Variants in FHIT observed in about 807,000 individuals in gnomAD.
FHIT encodes fragile histidine triad diadenosine triphosphatase.
FHIT carries 19 observed loss-of-function variants against 17.9 expected under a neutral mutation model. The observed-to-expected ratio is 1.06, with a 90% confidence interval of 0.74 to 1.56. The LOEUF (loss-of-function observed/expected upper bound fraction) is 1.56, where lower values mean the gene tolerates loss of function less well. Among genes scored for constraint, FHIT ranks in the 40% most tolerant of loss-of-function variants. The pLI, the probability that FHIT is intolerant of heterozygous loss-of-function variation, is 0.00. For synonymous variants in FHIT, 81 were observed against 69.7 expected (o/e 1.16, Z -0.81); for missense variants, 248 against 189.2 (o/e 1.31, Z -1.82).
intron 5 of FHIT, among the ~76,000 whole-genome samples, chr3:60,177,921 T>C (rs1202427093): frequency 1.3e-5 from 2 of 152,334 alleles, no homozygotes; most frequent in Middle Eastern, 3.4e-3. Context: ...CCAAAGTATT[T>C]TGAGTTGCTG....
chr3:59,960,874 T>C (rs576667632), intron 7 of FHIT, among the ~76,000 whole-genome samples: 1 of 152,162 alleles, frequency 6.6e-6, no homozygotes, highest in Non-Finnish European at 1.5e-5. Context: ...GACCAATTAC[T>C]AGTTTTCAGA....
chr3:60,671,775 A>G (rs1272594225), intron 4 of FHIT, among the ~76,000 whole-genome samples: 2 of 28,812 alleles, frequency 6.9e-5, no homozygotes, highest in Non-Finnish European at 1.7e-4. Flanking sequence ...CCCCATCTCT[A>G]CTAAAAAAAA....
At chr3:60,672,304 T>C (rs1735439) in intron 4 of FHIT, among the ~76,000 whole-genome samples, 138,370 of 150,336 alleles carry the variant, frequency 0.92, 63,784 homozygotes, top group Non-Finnish European at 0.94. Flanking sequence ...AAAAGAGAGT[T>C]AGCGAAGGGA....
At chr3:60,449,937 A>T (rs2031609793) in intron 5 of FHIT, among the ~76,000 whole-genome samples, 1 of 143,338 alleles carries the variant, frequency 7.0e-6, no homozygotes, top group Admixed American at 7.3e-5. Context: ...TGGGAGGCAG[A>T]GGTTGCAATA....
At chr3:60,659,373 TTCTC>T (rs1453898310) in intron 4 of FHIT, among the ~76,000 whole-genome samples, 1 of 152,046 alleles carries the variant, frequency 6.6e-6, no homozygotes, top group African/African-American at 2.4e-5. Context: ...TCTCTATTCT[TTCTC>T]TCTCTTCTTA....
intron 5 of FHIT, among the ~76,000 whole-genome samples, chr3:60,519,228 A>G (rs2035269632): frequency 6.6e-6 from 1 of 152,228 alleles, no homozygotes; most frequent in African/African-American, 2.4e-5. Flanking sequence ...TATGATTAGA[A>G]AAAATAAATG....
rs547199101 is a variant in FHIT, at chr3:59,876,754, C to T, written c.348+45592G>A. ...GTATCAGACACTGCTGGTTGTCTACCTACTTTCTGTTCCCCCTTCTTACCT... is the reference window on the plus strand; with the variant it reads ...GTATCAGACACTGCTGGTTGTCTACTTACTTTCTGTTCCCCCTTCTTACCT... On this transcript the variant is annotated intron_variant, in intron 8 of 9. Coordinates refer to ENST00000492590, the MANE Select transcript of FHIT (RefSeq NM_002012.4). Among the ~76,000 whole-genome samples the T allele has an allele frequency of 4.7e-4, 71 of 152,312 alleles. 1 individual carries two copies. The highest frequency in any genetic ancestry group is 1.6e-3 in the African/African-American group (67 of 41,570).
At chr3:60,461,304 G>A (rs1232999177) in intron 5 of FHIT, among the ~76,000 whole-genome samples, 1 of 152,034 alleles carries the variant, frequency 6.6e-6, no homozygotes, top group Non-Finnish European at 1.5e-5. Context: ...AGAAACCCAA[G>A]ACGTAGAGCA....
intron 5 of FHIT, among the ~76,000 whole-genome samples, chr3:60,028,865 A>G (rs1700863659): frequency 6.6e-6 from 1 of 152,186 alleles, no homozygotes; most frequent in Admixed American, 6.5e-5. Context: ...GTCACATTTT[A>G]AAAAACGTCC....
chr3:60,636,695 C>T (rs1220103766), intron 4 of FHIT, among the ~76,000 whole-genome samples: 2 of 152,184 alleles, frequency 1.3e-5, no homozygotes, highest in Non-Finnish European at 2.9e-5. Flanking sequence ...CTCCAGCGTC[C>T]TGTGCTCCTA....
At chr3:60,015,893 G>T (rs538014149) in intron 5 of FHIT, among the ~76,000 whole-genome samples, 1 of 152,026 alleles carries the variant, frequency 6.6e-6, no homozygotes, top group Non-Finnish European at 1.5e-5. Context: ...TGTCAATTTT[G>T]CTTGTTTGCA....
chr3:60,059,707 T>C (rs1236699223), intron 5 of FHIT, among the ~76,000 whole-genome samples: 1 of 152,082 alleles, frequency 6.6e-6, no homozygotes, highest in African/African-American at 2.4e-5. Flanking sequence ...CAAATATTCA[T>C]TGCCCCCAAC....
At chr3:59,794,379 C>G (rs1699694217) in intron 8 of FHIT, among the ~76,000 whole-genome samples, 1 of 152,174 alleles carries the variant, frequency 6.6e-6, no homozygotes, top group African/African-American at 2.4e-5. Context: ...AACAATGGTG[C>G]TAATTCCTGT....
At chr3:59,979,910 A>T (rs972856732) in intron 7 of FHIT, among the ~76,000 whole-genome samples, 3 of 152,204 alleles carry the variant, frequency 2.0e-5, no homozygotes, top group African/African-American at 7.2e-5. Context: ...GAGATGAAAC[A>T]GTAGCTCTTC....
intron 3 of FHIT, among the ~76,000 whole-genome samples, chr3:60,920,902 A>C (rs1467543402): frequency 6.6e-6 from 1 of 152,228 alleles, no homozygotes; most frequent in Non-Finnish European, 1.5e-5. Flanking sequence ...ACTGAACAAG[A>C]AAAATAATGT....
intron 4 of FHIT, among the ~76,000 whole-genome samples, chr3:60,594,013 T>C (rs1295262915): frequency 1.3e-5 from 2 of 152,154 alleles, no homozygotes; most frequent in Non-Finnish European, 2.9e-5. Flanking sequence ...ATTAGGCTTC[T>C]CTGAAAGCCA....
intron 5 of FHIT, among the ~76,000 whole-genome samples, chr3:60,498,092 C>A (rs1371767877): frequency 2.0e-5 from 3 of 152,116 alleles, no homozygotes; most frequent in Non-Finnish European, 2.9e-5. Context: ...TTCCAATAAA[C>A]CTTTAGTTAC....
At chr3:60,117,502 A>G (rs1192482014) in intron 5 of FHIT, among the ~76,000 whole-genome samples, 1 of 150,430 alleles carries the variant, frequency 6.6e-6, no homozygotes, top group East Asian at 1.9e-4. Context: ...TCTAAAAAAA[A>G]AAAAAAAAAA....
intron 3 of FHIT, among the ~76,000 whole-genome samples, chr3:60,909,765 A>G (rs1553765429): frequency 6.6e-6 from 1 of 152,180 alleles, no homozygotes; most frequent in African/African-American, 2.4e-5. Context: ...TTCTAGGTAA[A>G]CATACAAGGG....
Sources: allele counts gnomAD v4.1 joint callset (sites outside exome capture counted in the v4.1 genomes callset), GRCh38; gene constraint gnomAD v4.1.1; transcripts MANE v1.5; gene names NCBI Gene and HGNC (gene_info 2026-07-23, HGNC 2026-07-21).